The following ANKFN1 variants were observed in gnomAD, a reference collection of about 807,000 sequenced individuals.
The protein encoded by ANKFN1 is ankyrin repeat and fibronectin type-III domain-containing protein 1.
ANKFN1 carries 74 observed loss-of-function variants against 108.7 expected under a neutral mutation model. The ratio of observed to expected loss-of-function variants is 0.68; its 90% CI spans 0.56 to 0.83. The LOEUF (loss-of-function observed/expected upper bound fraction) is 0.83, where lower values mean the gene tolerates loss of function less well. Ranked by LOEUF, ANKFN1 falls within the 40% of genes least tolerant of loss-of-function variation. The pLI is 0.00. For missense variants in ANKFN1, 1,505 were observed against 1,382.3 expected (o/e 1.09, Z -1.41); for synonymous variants, 547 against 516.2 (o/e 1.06, Z -0.81).
chr17:56,271,198 G>A (rs1045702778), intron 3 of ANKFN1, among the ~76,000 whole-genome samples: 3 of 151,920 alleles, frequency 2.0e-5, no homozygotes, highest in African/African-American at 7.3e-5. Flanking sequence ...TTGTAAAGAT[G>A]GGGTTTTGCC....
At chr17:56,188,581 G>GTGTATATATATATATATATA (rs1212242378) in intron 1 of ANKFN1, among the ~76,000 whole-genome samples, 13 of 49,642 alleles carry the variant, frequency 2.6e-4, no homozygotes, top group East Asian at 7.4e-4. Flanking sequence ...GTGTGTGTGT[G>GTGTATATATATATATATATA]TATATATATA....
intron 3 of ANKFN1, among the ~76,000 whole-genome samples, chr17:56,261,016 T>C (rs1420177927): frequency 6.6e-6 from 1 of 152,064 alleles, no homozygotes; most frequent in Admixed American, 6.5e-5. Context: ...TCGGAATCTG[T>C]CCCTAAATGG....
intron 3 of ANKFN1, among the ~76,000 whole-genome samples, chr17:56,291,769 T>G (rs2065811713): frequency 6.6e-6 from 1 of 152,194 alleles, no homozygotes; most frequent in South Asian, 2.1e-4. Flanking sequence ...TTCTGACACA[T>G]GGTTCAGGAC....
At chr17:56,136,631 G>T (rs1025040640) in intron 4 of ANKFN1, among the ~76,000 whole-genome samples, 11 of 152,148 alleles carry the variant, frequency 7.2e-5, no homozygotes, top group African/African-American at 2.4e-4. Flanking sequence ...GCACAGTGTG[G>T]GCAGAAGTTC....
intron 18 of ANKFN1, among the ~76,000 whole-genome samples, chr17:56,491,265 G>T (rs1198553114): frequency 6.6e-6 from 1 of 152,160 alleles, no homozygotes; most frequent in Non-Finnish European, 1.5e-5. Context: ...ACAGGCCAGA[G>T]GTAAACAGAG....
intron 2 of ANKFN1, among the ~76,000 whole-genome samples, chr17:56,215,219 G>A (rs1008129727): frequency 1.3e-5 from 2 of 152,198 alleles, no homozygotes; most frequent in South Asian, 2.1e-4. Flanking sequence ...GCAGAGCACC[G>A]TGCTTAAGTG....
intron 3 of ANKFN1, among the ~76,000 whole-genome samples, chr17:56,286,517 G>A (rs1398241992): frequency 1.3e-5 from 2 of 152,130 alleles, no homozygotes; most frequent in East Asian, 3.9e-4. Context: ...GATGCTGGCT[G>A]TCAGCTGAGG....
At position 56,512,268 on chromosome 17, in the gene ANKFN1, A is replaced by C. The variant is rs1265019802; in HGVS notation, c.*999A>C. 6.6e-6 allele frequency among the ~76,000 whole-genome samples: 1 copy of C among 152,200 alleles called. No individual in the cohort carries two copies. Among genetic ancestry groups the C allele is most frequent in the East Asian group, 1.9e-4 (1 of 5,202 alleles). On this transcript the variant is annotated 3_prime_UTR_variant, in exon 21 of 21. Transcript: ENST00000682825. ...AAGTGCCCTGCAGATACGGTCAGTCAGCAATGGGCTCCTCACAACCCCACA... is the reference window on the plus strand; with the variant it reads ...AAGTGCCCTGCAGATACGGTCAGTCCGCAATGGGCTCCTCACAACCCCACA...
chr17:56,110,367 C>G (rs182689229), intron 4 of ANKFN1, among the ~76,000 whole-genome samples: 112 of 152,248 alleles, frequency 7.4e-4, no homozygotes, highest in African/African-American at 2.6e-3. Context: ...GCTAGATATT[C>G]CCTCCTCCAC....
chr17:56,149,797 T>A (rs2143433120), upstream of ANKFN1, among the ~76,000 whole-genome samples: 1 of 152,330 alleles, frequency 6.6e-6, no homozygotes, highest in South Asian at 2.1e-4. Flanking sequence ...AATCCTGTTC[T>A]CCATGACGAC....
chr17:56,170,774 T>TTTATATATATATATA (rs1555604529), intron 1 of ANKFN1, among the ~76,000 whole-genome samples: 2 of 68,096 alleles, frequency 2.9e-5, no homozygotes, highest in African/African-American at 1.6e-4. Context: ...AAAAAATTTT[T>TTTATATATATATATA]TATATATATA....
intron 3 of ANKFN1, among the ~76,000 whole-genome samples, chr17:56,300,294 C>A (rs1278305156): frequency 6.6e-6 from 1 of 152,192 alleles, no homozygotes; most frequent in African/African-American, 2.4e-5. Context: ...CTAGATGTCG[C>A]TCGATGAGGG....
At chr17:56,214,371 C>T (rs1598251829) in intron 2 of ANKFN1, among the ~76,000 whole-genome samples, 1 of 152,126 alleles carries the variant, frequency 6.6e-6, no homozygotes, top group African/African-American at 2.4e-5. Context: ...AGAGGGGCTG[C>T]TGCCTTTCTA....
chr17:56,297,236 G>T (rs1004328065), intron 3 of ANKFN1, among the ~76,000 whole-genome samples: 1 of 152,180 alleles, frequency 6.6e-6, no homozygotes, highest in Non-Finnish European at 1.5e-5. Flanking sequence ...CGGCGTCTGG[G>T]CAGAGAGGAG....
intron 3 of ANKFN1, among the ~76,000 whole-genome samples, chr17:56,260,905 CAGAG>C (rs1432455676): frequency 2.0e-5 from 3 of 152,204 alleles, no homozygotes; most frequent in Non-Finnish European, 4.4e-5. Flanking sequence ...TCCCAAATGA[CAGAG>C]AGAGTTAACT....
chr17:56,161,799 T>C lies in ANKFN1; in HGVS notation c.-71+8269T>C, dbSNP rs1909678565. Among the ~76,000 whole-genome samples, 4 of 152,136 alleles carry C rather than the reference T, an allele frequency of 2.6e-5. No individual in the cohort carries two copies. In the South Asian group the frequency reaches 8.3e-4, roughly 32 times the overall value. On this transcript the variant is annotated intron_variant, in intron 1 of 20. Transcript: ENST00000682825. ...AAAAATTCATGAATTGAATTAGAAA[T>C]ATAATTGCTTGCAAGCTATAGAAAA...
At chr17:56,385,765 A>C (rs1031913538) in intron 8 of ANKFN1, among the ~76,000 whole-genome samples, 2 of 152,344 alleles carry the variant, frequency 1.3e-5, no homozygotes, top group South Asian at 2.1e-4. Context: ...TCAAAACCAC[A>C]ATGAGATACC....
chr17:56,457,939 A>T lies in ANKFN1; in HGVS notation c.1517A>T (p.Gln506Leu). 1 of 1,614,146 alleles carries T rather than the reference A, an allele frequency of 6.2e-7. No homozygotes were observed. Among genetic ancestry groups the T allele is most frequent in the Non-Finnish European group, 8.5e-7 (1 of 1,179,998 alleles). Reference sequence around the variant, plus strand: ...TCCTCATCCTCATCCACAGTGCTGCAAACTCGGCAGAAGATGCTCGCAGCA... The same window carrying T: ...TCCTCATCCTCATCCACAGTGCTGCTAACTCGGCAGAAGATGCTCGCAGCA... Reference protein sequence around the residue: ...PISSSSSTVLQTRQKMLAATA... With the variant: ...PISSSSSTVLLTRQKMLAATA... Residue 506 changes from glutamine to leucine, a missense_variant, in exon 14 of 21, where the codon CAA becomes CTA. Gln to Leu is a moderately radical substitution (Grantham distance 113). Coordinates refer to ENST00000682825, the MANE Select transcript of ANKFN1 (RefSeq NM_001370326.1).
rs972358105 is a variant in ANKFN1 at position 56,404,887 on chromosome 17, A to G, written c.910+30173A>G. ...TAATACTCTCCCCCTTTTCCTATGG[A>G]TGTGGCTTCCTATGAGTCGAACTGC... On this transcript the variant is annotated intron_variant, in intron 8 of 20. Transcript: ENST00000682825. Among the ~76,000 whole-genome samples, 17 of 152,256 alleles carry G rather than the reference A, an allele frequency of 1.1e-4. No individual in the cohort carries two copies. The East Asian group carries it at 3.3e-3, about 29-fold the overall frequency.
Sources: allele counts gnomAD v4.1 joint callset (sites outside exome capture counted in the v4.1 genomes callset), GRCh38; gene constraint gnomAD v4.1.1; transcripts MANE v1.5; gene names NCBI Gene and HGNC (gene_info 2026-07-23, HGNC 2026-07-21).